Variants in PACRG observed in about 807,000 individuals in gnomAD.
The protein encoded by PACRG is parkin coregulated gene protein.
PACRG carries 29 observed loss-of-function variants against 29.7 expected under a neutral mutation model. The ratio of observed to expected loss-of-function variants is 0.98; its 90% CI spans 0.73 to 1.33. The LOEUF (loss-of-function observed/expected upper bound fraction) is 1.33, where lower values mean the gene tolerates loss of function less well. PACRG is among the 40% of genes most tolerant of loss of function. PACRG has a pLI of 0.00. For synonymous variants in PACRG, 116 were observed against 118.7 expected, an observed-to-expected ratio of 0.98 and a Z score of 0.15; for missense variants, 279 against 316.2, an observed-to-expected ratio of 0.88 and a Z score of 0.89.
intron 2 of PACRG, among the ~76,000 whole-genome samples, chr6:162,856,584 C>G (rs917904478): frequency 6.3e-5 from 7 of 111,486 alleles, no homozygotes; most frequent in African/African-American, 2.7e-4. Context: ...GTGAGCGGCA[C>G]GTCTCGAAGA....
chr6:162,837,554 A>G (rs867382118), intron 2 of PACRG, among the ~76,000 whole-genome samples: 1 of 152,212 alleles, frequency 6.6e-6, no homozygotes, highest in African/African-American at 2.4e-5. Flanking sequence ...TAAAAATCTC[A>G]TAATTTTTAG....
intron 2 of PACRG, among the ~76,000 whole-genome samples, chr6:163,025,836 C>G (rs1465102920): frequency 6.6e-6 from 1 of 152,180 alleles, no homozygotes; most frequent in Non-Finnish European, 1.5e-5. Context: ...CAGAGGTGCA[C>G]AAGTTAAGAG....
chr6:163,093,765 G>A (rs1040427069), intron 4 of PACRG, among the ~76,000 whole-genome samples: 2 of 152,120 alleles, frequency 1.3e-5, no homozygotes, highest in South Asian at 2.1e-4. Context: ...CTGTCCCCAC[G>A]TTTGTAGGAA....
chr6:162,798,646 G>A (rs1447291321), intron 1 of PACRG, among the ~76,000 whole-genome samples: 6 of 152,116 alleles, frequency 3.9e-5, no homozygotes, highest in Non-Finnish European at 7.4e-5. Flanking sequence ...TTTAGTACTT[G>A]TTAGGTACCA....
intron 4 of PACRG, chr6:163,190,955 C>T (rs1244685321): frequency 2.2e-6 from 1 of 456,078 alleles, no homozygotes; most frequent in Non-Finnish European, 4.4e-6. Flanking sequence ...CAATCCATTT[C>T]TGAGGGATGA....
At chr6:162,989,702 C>T (rs923909801) in intron 2 of PACRG, among the ~76,000 whole-genome samples, 2 of 150,106 alleles carry the variant, frequency 1.3e-5, no homozygotes, top group African/African-American at 4.9e-5. Context: ...ATATGGAGGG[C>T]TGACTGTGTT....
At chr6:162,889,324 A>G (rs1032221735) in intron 2 of PACRG, among the ~76,000 whole-genome samples, 1 of 152,218 alleles carries the variant, frequency 6.6e-6, no homozygotes, top group African/African-American at 2.4e-5. Flanking sequence ...TAATCAGGCT[A>G]TGATATTCAG....
At chr6:163,050,597 A>G (rs1023425101) in intron 2 of PACRG, among the ~76,000 whole-genome samples, 13 of 152,216 alleles carry the variant, frequency 8.5e-5, no homozygotes, top group Admixed American at 8.5e-4. Flanking sequence ...GGGTTAAAAA[A>G]ATACCCTTCA....
chr6:162,910,897 C>A (rs1584733737), intron 2 of PACRG, among the ~76,000 whole-genome samples: 1 of 152,106 alleles, frequency 6.6e-6, no homozygotes, highest in Non-Finnish European at 1.5e-5. Flanking sequence ...AACTTTCTCA[C>A]CTTCCGGCTC....
intron 1 of PACRG, among the ~76,000 whole-genome samples, chr6:162,810,342 C>T (rs569851833): frequency 8.5e-5 from 13 of 152,232 alleles, no homozygotes; most frequent in East Asian, 1.9e-4. Context: ...CAAGCTAAAA[C>T]GGAAGCTTTA....
intron 3 of PACRG, among the ~76,000 whole-genome samples, chr6:163,080,368 C>T (rs1431453234): frequency 1.3e-5 from 2 of 152,256 alleles, no homozygotes; most frequent in African/African-American, 2.4e-5. Context: ...AAGACACGAA[C>T]CTGCCCCGCC....
At chr6:162,815,068 A>G (rs1009506205) in intron 2 of PACRG, among the ~76,000 whole-genome samples, 5 of 152,170 alleles carry the variant, frequency 3.3e-5, no homozygotes, top group African/African-American at 1.2e-4. Context: ...GTTGTTATCA[A>G]AGACTTTGCT....
At position 163,281,088 on chromosome 6, in the gene PACRG, C is replaced by T. The variant is rs541035988; in HGVS notation, c.614-33739C>T. Among the ~76,000 whole-genome samples, 6 of 152,116 alleles carry T rather than the reference C, an allele frequency of 3.9e-5. No homozygotes were observed. In the East Asian group the frequency reaches 1.2e-3, roughly 29 times the overall value. ...GTGCATCCGGAGATGGGGGGATGCT[C>T]CAGGTGCAGAAGCCAGTGCAAGCAC... On this transcript the variant is annotated intron_variant, in intron 4 of 4. Coordinates refer to ENST00000366888, the MANE Select transcript of PACRG (RefSeq NM_001080379.2).
intron 4 of PACRG, among the ~76,000 whole-genome samples, chr6:163,114,159 A>G (rs2128321051): frequency 6.6e-6 from 1 of 152,294 alleles, no homozygotes; most frequent in Middle Eastern, 3.4e-3. Flanking sequence ...CTGAGGCACA[A>G]GAATTGCTTG....
At chr6:162,978,133 G>C (rs536116612) in intron 2 of PACRG, among the ~76,000 whole-genome samples, 1 of 130,354 alleles carries the variant, frequency 7.7e-6, no homozygotes, top group African/African-American at 3.1e-5. Flanking sequence ...GACAGAGTGA[G>C]ACTCCATCTC....
intron 2 of PACRG, among the ~76,000 whole-genome samples, chr6:163,054,927 G>C (rs1046553792): frequency 2.6e-5 from 4 of 152,320 alleles, no homozygotes; most frequent in South Asian, 4.1e-4. Flanking sequence ...GGTCAGGCCA[G>C]GCCAGGGATT....
At chr6:162,927,847 C>A (rs1211073728) in intron 2 of PACRG, among the ~76,000 whole-genome samples, 1 of 151,952 alleles carries the variant, frequency 6.6e-6, no homozygotes, top group Non-Finnish European at 1.5e-5. Flanking sequence ...ATGAAACATT[C>A]TTGGATCCCT....
chr6:162,887,649 T>A (rs977940867), intron 2 of PACRG, among the ~76,000 whole-genome samples: 6 of 152,192 alleles, frequency 3.9e-5, no homozygotes, highest in African/African-American at 1.4e-4. Flanking sequence ...TTAAGAAGTA[T>A]AACTATTCAT....
chr6:163,258,567 C>T (rs1028789738), intron 4 of PACRG, among the ~76,000 whole-genome samples: 3 of 152,008 alleles, frequency 2.0e-5, no homozygotes, highest in African/African-American at 4.8e-5. Flanking sequence ...ACCATCCTGG[C>T]TAACACGGTG....
Sources: gnomAD v4.1 joint callset for allele counts (sites outside exome capture counted in the v4.1 genomes callset) on GRCh38, gnomAD v4.1.1 for gene constraint, MANE v1.5 for transcripts, NCBI Gene and HGNC (gene_info 2026-07-23, HGNC 2026-07-21) for gene names.